The following COPB1 variants were observed in gnomAD, a reference collection of about 807,000 sequenced individuals.
COPB1 encodes the protein coatomer subunit beta.
COPB1 carries 21 observed loss-of-function variants against 108.7 expected under a neutral mutation model. The ratio of observed to expected loss-of-function variants is 0.19; its 90% CI spans 0.14 to 0.28. The LOEUF is 0.28. Ranked by LOEUF, COPB1 falls within the 10% of genes least tolerant of loss-of-function variation. The pLI is 1.00. For synonymous variants in COPB1, 378 were observed against 386.8 expected (o/e 0.98, Z 0.27); for missense variants, 919 against 1,141.3 (o/e 0.81, Z 2.81).
intron 11 of COPB1, 74 bp downstream of exon 11, chr11:14,479,495 T>A: frequency 9.9e-6 from 14 of 1,416,400 alleles, no homozygotes; most frequent in Non-Finnish European, 1.3e-5. Context: ...CTATTTTCTA[T>A]CAACTGACCC....
At chr11:14,470,388 C>G (rs890193454) in intron 14 of COPB1, among the ~76,000 whole-genome samples, 9 of 152,010 alleles carry the variant, frequency 5.9e-5, no homozygotes, top group African/African-American at 1.9e-4. Flanking sequence ...TCACCTGATG[C>G]TGCTATCTTA....
intron 16 of COPB1, among the ~76,000 whole-genome samples, chr11:14,467,100 G>A (rs188992579): frequency 1.3e-3 from 199 of 151,980 alleles, no homozygotes; most frequent in Admixed American, 4.3e-3. Flanking sequence ...GAATGAAAAG[G>A]CAACTCACAG....
chr11:14,468,703 G>A lies in COPB1; in HGVS notation c.2123C>T (p.Pro708Leu), dbSNP rs748427105. 1.2e-6 allele frequency: 2 copies of A among 1,613,832 alleles called. No individual in the cohort carries two copies. The highest frequency in any genetic ancestry group is 1.3e-5 in the African/African-American group (1 of 74,882). Residue 708 changes from proline to leucine, a missense_variant, in exon 16 of 22, where the codon CCC becomes CTC. Physicochemically the swap from Pro to Leu is moderately conservative, Grantham distance 98. Coordinates refer to ENST00000439561, the MANE Select transcript of COPB1 (RefSeq NM_001144061.2). ...TACCTTGTTAAGTTTAGATGCTAGG[G>A]GATCTGCTGCCTCTTTCCTCTGTGT... ...GNTQRKEAAD[P>L]LASKLNKVTQ...
At chr11:14,473,319 C>T (rs1242049945) in intron 14 of COPB1, among the ~76,000 whole-genome samples, 2 of 152,148 alleles carry the variant, frequency 1.3e-5, no homozygotes, top group African/African-American at 4.8e-5. Context: ...TTTTAATTTC[C>T]TTTAAGAGCA....
chr11:14,484,052 C>T (rs932994316), intron 7 of COPB1, among the ~76,000 whole-genome samples: 2 of 152,210 alleles, frequency 1.3e-5, no homozygotes, highest in Non-Finnish European at 2.9e-5. Context: ...CTAAGAAGGA[C>T]ACATCACTTC....
chr11:14,457,695 A>G lies in COPB1; in HGVS notation c.*129T>C. 1.4e-6 allele frequency: 1 copy of G among 703,926 alleles called. No individual in the cohort carries two copies. The highest frequency in any genetic ancestry group is 2.6e-6 in the Non-Finnish European group (1 of 391,308). 43.6% of individuals were successfully genotyped at this position (703,926 alleles called of 1,614,324 possible). ...TCTTGATTTAAGGGAAAGGCTATAA[A>G]TTATTGGCTGAAAAGTATTCAGCAT... On this transcript the variant is annotated 3_prime_UTR_variant, in exon 22 of 22. Coordinates refer to ENST00000439561, the MANE Select transcript of COPB1 (RefSeq NM_001144061.2).
chr11:14,483,860 G>A (rs1170759768), intron 7 of COPB1, among the ~76,000 whole-genome samples: 2 of 152,160 alleles, frequency 1.3e-5, no homozygotes, highest in African/African-American at 2.4e-5. Flanking sequence ...AAAATAAGTA[G>A]GTGTGAATTT....
intron 3 of COPB1, among the ~76,000 whole-genome samples, 193 bp downstream of exon 3, chr11:14,494,017 A>G (rs141614770): frequency 7.0e-4 from 106 of 152,324 alleles, no homozygotes; most frequent in African/African-American, 2.3e-3. Context: ...TAATTAATAT[A>G]TACACATAAA....
intron 12 of COPB1, among the ~76,000 whole-genome samples, chr11:14,476,536 G>A (rs1328899908): frequency 2.0e-5 from 3 of 152,090 alleles, no homozygotes; most frequent in African/African-American, 7.2e-5. Context: ...GTTAGGTTGA[G>A]GAACTTATAT....
At chr11:14,491,669 C>A (rs1850907977) in intron 4 of COPB1, among the ~76,000 whole-genome samples, 4 of 138,414 alleles carry the variant, frequency 2.9e-5, no homozygotes, top group Middle Eastern at 3.6e-3. Flanking sequence ...AACTCTGTCT[C>A]AAAAAAAAAA....
intron 20 of COPB1, 37 bp from the exon 21 acceptor site, chr11:14,458,724 G>C (rs1166163133): frequency 6.3e-7 from 1 of 1,577,062 alleles, no homozygotes; most frequent in East Asian, 2.3e-5. Context: ...TACTTTACCA[G>C]ATACCTACAT....
chr11:14,470,442 T>C (rs551762380), intron 14 of COPB1, among the ~76,000 whole-genome samples: 1 of 152,326 alleles, frequency 6.6e-6, no homozygotes, highest in East Asian at 1.9e-4. Flanking sequence ...TGTAAATACC[T>C]TTAATGAATG....
At chr11:14,471,782 C>G (rs956851323) in intron 14 of COPB1, among the ~76,000 whole-genome samples, 2 of 151,948 alleles carry the variant, frequency 1.3e-5, no homozygotes, top group Non-Finnish European at 2.9e-5. Flanking sequence ...ATTAGACAGG[C>G]GTGGTGGCAG....
intron 2 of COPB1, among the ~76,000 whole-genome samples, chr11:14,497,727 A>C (rs909059211): frequency 6.6e-6 from 1 of 152,234 alleles, no homozygotes; most frequent in African/African-American, 2.4e-5. Context: ...TACATCAAAG[A>C]GATATCTGGA....
At chr11:14,471,704 G>T (rs1850406069) in intron 14 of COPB1, among the ~76,000 whole-genome samples, 2 of 152,116 alleles carry the variant, frequency 1.3e-5, no homozygotes, top group Admixed American at 6.5e-5. Context: ...GATCACCTGA[G>T]GTCAGCAGTT....
chr11:14,493,730 G>T lies in COPB1; in HGVS notation c.403C>A (p.Pro135Thr). 1 of 1,613,812 alleles carries T rather than the reference G, an allele frequency of 6.2e-7. No homozygotes were observed. Among genetic ancestry groups the T allele is most frequent in the Non-Finnish European group, 8.5e-7 (1 of 1,179,906 alleles). Residue 135 changes from proline to threonine, a missense_variant, in exon 4 of 22, where the codon CCT (proline) becomes ACT (threonine). By Grantham distance (38) the Pro-to-Thr change is conservative (BLOSUM62 -1). Transcript: ENST00000439561. ...CATGCACGAATAGCTGGCATTAAAG[G>T]TTCTAGCAATTCTGCTTCTTTCAAT... is the stretch of plus-strand genomic sequence containing the variant. ...CKLKEAELLE[P>T]LMPAIRACLE...
chr11:14,476,222 A>C (rs1850516743), intron 12 of COPB1, among the ~76,000 whole-genome samples: 1 of 152,204 alleles, frequency 6.6e-6, no homozygotes, highest in Non-Finnish European at 1.5e-5. Context: ...TTCTTTCTAC[A>C]CATTTTACCT....
intron 7 of COPB1, 95 bp from the exon 8 acceptor site, chr11:14,483,246 AC>A: frequency 1.5e-6 from 1 of 665,726 alleles, no homozygotes. Context: ...ACACACACAC[AC>A]ACACACACAC....
chr11:14,477,104 CA>C (rs1850537334), intron 11 of COPB1, 89 bp from the exon 12 acceptor site: 1 of 969,196 alleles, frequency 1.0e-6, no homozygotes, highest in Admixed American at 1.8e-5. Flanking sequence ...CAAATAAAAA[CA>C]AGGGCCAGGC....
Sources: gnomAD v4.1 joint callset for allele counts (sites outside exome capture counted in the v4.1 genomes callset) on GRCh38, gnomAD v4.1.1 for gene constraint, MANE v1.5 for transcripts, NCBI Gene and HGNC (gene_info 2026-07-23, HGNC 2026-07-21) for gene names.